XRCC4: variants seen among roughly 807,000 people sequenced by gnomAD.
XRCC4 encodes X-ray repair cross complementing 4.
XRCC4 carries 28 observed loss-of-function variants against 39.1 expected under a neutral mutation model. The ratio of observed to expected loss-of-function variants is 0.72; its 90% CI spans 0.53 to 0.98. The LOEUF (loss-of-function observed/expected upper bound fraction) is 0.98. Ranked by LOEUF, XRCC4 falls within the 50% of genes least tolerant of loss-of-function variation. The pLI is 0.00. For synonymous variants in XRCC4, 123 were observed against 126.4 expected (o/e 0.97, Z 0.18); for missense variants, 350 against 376.4 (o/e 0.93, Z 0.58).
At chr5:83,272,477 C>T (rs893105248) in intron 7 of XRCC4, among the ~76,000 whole-genome samples, 8 of 151,956 alleles carry the variant, frequency 5.3e-5, no homozygotes, top group African/African-American at 9.7e-5. Flanking sequence ...TACATAGGTA[C>T]GTATACATGT....
At chr5:83,135,727 C>T (rs996945646) in intron 3 of XRCC4, among the ~76,000 whole-genome samples, 4 of 151,858 alleles carry the variant, frequency 2.6e-5, no homozygotes, top group African/African-American at 9.7e-5. Context: ...TTGTTTTTTT[C>T]ATCTCAGGCA....
chr5:83,261,926 T>C (rs1353986740), intron 7 of XRCC4, among the ~76,000 whole-genome samples: 1 of 152,126 alleles, frequency 6.6e-6, no homozygotes, highest in Non-Finnish European at 1.5e-5. Context: ...ACATATTAAG[T>C]ACTTTATAAA....
intron 6 of XRCC4, among the ~76,000 whole-genome samples, chr5:83,229,754 A>G (rs1273627711): frequency 6.8e-6 from 1 of 146,672 alleles, no homozygotes; most frequent in East Asian, 2.0e-4. Context: ...GGTTTATTCT[A>G]AACTGTTTGG....
At position 83,155,867 on chromosome 5, in the gene XRCC4, G is replaced by A. The variant is rs905084446; in HGVS notation, c.316-39903G>A. ...CTAGGATATTTTGTCTAAACCTATC[G>A]TTATTTTAGATGTTTTTTTCTCTAG... On this transcript the variant is annotated intron_variant, in intron 3 of 7. Transcript: ENST00000396027. Among the ~76,000 whole-genome samples the A allele has an allele frequency of 1.3e-5, 2 of 151,894 alleles. 1 individual carries two copies.
chr5:83,167,948 T>C (rs970199729), intron 3 of XRCC4, among the ~76,000 whole-genome samples: 1 of 152,014 alleles, frequency 6.6e-6, no homozygotes, highest in Admixed American at 6.6e-5. Flanking sequence ...TTTAAAGGAG[T>C]ATAAAATATA....
At chr5:83,244,874 T>C (rs993166531) in intron 6 of XRCC4, among the ~76,000 whole-genome samples, 1 of 152,220 alleles carries the variant, frequency 6.6e-6, no homozygotes, top group African/African-American at 2.4e-5. Flanking sequence ...ATTGAAAACA[T>C]CTTAAACATA....
In XRCC4 at chr5:83,213,175, C is replaced by T. The variant is rs192101277; in HGVS notation, c.745+8254C>T. 1.0e-3 allele frequency among the ~76,000 whole-genome samples: 153 copies of T among 151,778 alleles called. No individual in the cohort carries two copies. In the Middle Eastern group the frequency reaches 0.01, roughly 10 times the overall value. ...AGCAAAGTATCTTTCAAAATAAAGA[C>T]GAAATAAAGACATTTATTAATTAAC... On this transcript the variant is annotated intron_variant, in intron 6 of 7. Coordinates refer to ENST00000396027, the MANE Select transcript of XRCC4 (RefSeq NM_003401.5).
chr5:83,274,846 A>G (rs1392724238), intron 7 of XRCC4, among the ~76,000 whole-genome samples: 1 of 152,246 alleles, frequency 6.6e-6, no homozygotes, highest in East Asian at 1.9e-4. Flanking sequence ...TGGTCTTTAA[A>G]TTTTATTCAA....
At chr5:83,194,022 C>T (rs769556683) in intron 3 of XRCC4, among the ~76,000 whole-genome samples, 1 of 152,148 alleles carries the variant, frequency 6.6e-6, no homozygotes, top group Non-Finnish European at 1.5e-5. Flanking sequence ...CAACCTGTGT[C>T]TCGCGGTTCA....
chr5:83,140,347 T>C (rs1316165186), intron 3 of XRCC4, among the ~76,000 whole-genome samples: 1 of 152,134 alleles, frequency 6.6e-6, no homozygotes, highest in East Asian at 1.9e-4. Flanking sequence ...CCGAAGAACC[T>C]GGAGTCTGAT....
At chr5:83,311,050 T>C (rs1050479849) in intron 7 of XRCC4, 53 of 281,860 alleles carry the variant, frequency 1.9e-4, no homozygotes, top group Admixed American at 2.6e-4. Context: ...AGAGAATAAA[T>C]TTTTATTGTA....
At chr5:83,258,798 T>C in intron 7 of XRCC4, 121 bp downstream of exon 7, 1 of 1,170,112 alleles carries the variant, frequency 8.5e-7, no homozygotes, top group Non-Finnish European at 1.2e-6. Flanking sequence ...AAATGTCATT[T>C]TGGAATTGTA....
intron 6 of XRCC4, among the ~76,000 whole-genome samples, chr5:83,254,905 G>A (rs1018781318): frequency 8.6e-5 from 13 of 151,984 alleles, no homozygotes; most frequent in African/African-American, 2.7e-4. Flanking sequence ...TGGCCAACAT[G>A]GTGAAACCGT....
chr5:83,090,166 C>T (rs1348174838), intron 1 of XRCC4, among the ~76,000 whole-genome samples: 1 of 152,158 alleles, frequency 6.6e-6, no homozygotes, highest in East Asian at 1.9e-4. Context: ...ATCCTCCTTC[C>T]TAAGCCTCCT....
intron 7 of XRCC4, among the ~76,000 whole-genome samples, chr5:83,342,015 G>T (rs1309033888): frequency 6.6e-6 from 1 of 152,174 alleles, no homozygotes; most frequent in Non-Finnish European, 1.5e-5. Context: ...TGTCTTAAAG[G>T]AATAACTTTC....
At chr5:83,197,716 G>A (rs190831447) in intron 4 of XRCC4, among the ~76,000 whole-genome samples, 49 of 152,208 alleles carry the variant, frequency 3.2e-4, no homozygotes, top group African/African-American at 1.1e-3. Context: ...CAAAAGCACA[G>A]CCATGTACCC....
intron 3 of XRCC4, among the ~76,000 whole-genome samples, chr5:83,190,060 T>C (rs977417805): frequency 6.6e-6 from 1 of 151,848 alleles, no homozygotes; most frequent in African/African-American, 2.4e-5. Context: ...CGAGAATCTG[T>C]CTCAAAAAAA....
intron 3 of XRCC4, among the ~76,000 whole-genome samples, chr5:83,152,025 A>C (rs1351569301): frequency 6.6e-6 from 1 of 152,240 alleles, no homozygotes; most frequent in Non-Finnish European, 1.5e-5. Context: ...TGGCATAACT[A>C]GTTATTATTT....
chr5:83,155,248 C>G (rs758368399), intron 3 of XRCC4, among the ~76,000 whole-genome samples: 3 of 152,056 alleles, frequency 2.0e-5, no homozygotes, highest in Admixed American at 6.6e-5. Flanking sequence ...GATTCTTGGT[C>G]AGACTTCCTT....
Sources: gnomAD v4.1 joint callset for allele counts (sites outside exome capture counted in the v4.1 genomes callset) on GRCh38, gnomAD v4.1.1 for gene constraint, MANE v1.5 for transcripts, NCBI Gene and HGNC (gene_info 2026-07-23, HGNC 2026-07-21) for gene names.